FANCD2OS: variants seen among roughly 807,000 people sequenced by gnomAD.
FANCD2OS encodes FANCD2 opposite strand.
A neutral mutation model predicts 13.2 loss-of-function variants in FANCD2OS; 11 were observed. That is an observed-to-expected ratio of 0.83 (90% CI 0.52 to 1.38). FANCD2OS has a LOEUF of 1.38. Among genes scored for constraint, FANCD2OS ranks in the 40% most tolerant of loss-of-function variants. The probability of loss-of-function intolerance (pLI) is 0.00; values close to 1 mark genes in which losing one functional copy is unlikely to be tolerated. For synonymous variants in FANCD2OS, 69 were observed against 84.5 expected, an observed-to-expected ratio of 0.82 and a Z score of 1.01; for missense variants, 217 against 213.9, an observed-to-expected ratio of 1.01 and a Z score of -0.09.
At chr3:10,088,378 T>G in intron 2 of FANCD2OS, 1 of 957,338 alleles carries the variant, frequency 1.0e-6, no homozygotes, top group Non-Finnish European at 1.7e-6. Context: ...ATAATCATCC[T>G]CAAAAACCTG....
intron 2 of FANCD2OS, chr3:10,085,818 A>G (rs1349670861): frequency 6.2e-7 from 1 of 1,611,330 alleles, no homozygotes; most frequent in Non-Finnish European, 8.5e-7. Flanking sequence ...TTAGGAGTGG[A>G]TTTTCTCAAC....
chr3:10,090,302 G>T, intron 2 of FANCD2OS: 1 of 1,613,386 alleles, frequency 6.2e-7, no homozygotes, highest in South Asian at 1.1e-5. Flanking sequence ...GCATACTTTT[G>T]TTGTTTTCTT....
In FANCD2OS at chr3:10,104,646, C is replaced by T. The variant is rs1695419334; in HGVS notation, c.129G>A (p.Pro43=). The change falls in exon 2 of 2, where the codon CCG becomes CCA. Residue 43 remains proline, a synonymous_variant. Coordinates refer to ENST00000450660, the MANE Select transcript of FANCD2OS (RefSeq NM_001164839.2). Reference sequence around the variant, plus strand: ...AGCACAGCTGCACTTCAAGGTCGGACGGTGTGTGTGGGAAGCAGGGGGAGG... The same window carrying T: ...AGCACAGCTGCACTTCAAGGTCGGATGGTGTGTGTGGGAAGCAGGGGGAGG... The part of the protein sequence containing the change: ...FKASPCFPHT[P]SDLEVQLCFQ... 9 of 1,613,946 alleles carry T rather than the reference C, an allele frequency of 5.6e-6. No homozygotes were observed. In the East Asian group the frequency reaches 1.3e-4, roughly 24 times the overall value.
In FANCD2OS at chr3:10,105,820, A is replaced by ATATT. The variant is rs1695483587; in HGVS notation, c.-8-1039_-8-1038insAATA. 9.7e-5 allele frequency among the ~76,000 whole-genome samples: 7 copies of ATATT among 72,478 alleles called. No homozygotes were observed. The East Asian group carries it at 1.1e-3, about 12-fold the overall frequency. 47.5% of individuals were successfully genotyped at this position (72,478 alleles called of 152,430 possible). A position where few individuals can be genotyped will look rare whatever the true frequency, so the allele number is the denominator to read the frequency against. ...TATATATATATATATATATATATAT[A>ATATT]TTTTGAGGTTCGCGATGTATGAACC... is the stretch of plus-strand genomic sequence containing the variant. On this transcript the variant is annotated intron_variant, in intron 1 of 1. Coordinates refer to ENST00000450660, the MANE Select transcript of FANCD2OS (RefSeq NM_001164839.2).
chr3:10,105,294 A>G (rs371921848), intron 1 of FANCD2OS, among the ~76,000 whole-genome samples: 2 of 152,222 alleles, frequency 1.3e-5, no homozygotes, highest in South Asian at 2.1e-4. Flanking sequence ...AGATGAGGCA[A>G]TGGATTTGTC....
At chr3:10,090,250 G>A in intron 2 of FANCD2OS, 1 of 1,426,312 alleles carries the variant, frequency 7.0e-7, no homozygotes. Flanking sequence ...GTTCTAAGCA[G>A]TGCATCATGG....
rs1411129676 is a variant in FANCD2OS, at chr3:10,088,432, GTCT to G, written c.*44-6904_*44-6902del. The G allele has an allele frequency of 1.3e-6, 2 of 1,531,110 alleles. No individual in the cohort carries two copies. Among genetic ancestry groups the G allele is most frequent in the East Asian group, 4.5e-5 (2 of 44,504 alleles). The allele number at this position is 1,531,110 out of a possible 1,614,324, so 94.8% of individuals were successfully genotyped here. A position where few individuals can be genotyped will look rare whatever the true frequency, so the allele number is the denominator to read the frequency against. On this transcript the variant is annotated intron_variant, in intron 2 of 2. Coordinates refer to the FANCD2OS transcript ENST00000524279. ...AAGTTCCCATATGTAAGATTCCTTT[GTCT>G]TCTTTTCTAACAGCTTCCCTTGCCA...
chr3:10,105,804 ATATATATATATATATATT>A (rs1301650225), intron 1 of FANCD2OS, among the ~76,000 whole-genome samples: 1,376 of 77,862 alleles, frequency 0.018, 67 homozygotes, highest in Non-Finnish European at 0.025. Context: ...ATATATATAT[ATATATATATATATATATT>A]TTGAGGTTCG....
At chr3:10,098,279 G>GT (rs1695096934), downstream of FANCD2OS, among the ~76,000 whole-genome samples, 1 of 152,158 alleles carries the variant, frequency 6.6e-6, no homozygotes, top group Non-Finnish European at 1.5e-5. Flanking sequence ...TGGAGCCGGA[G>GT]TTTGAGTCCA....
At chr3:10,089,995 G>T (rs1045429074) in intron 2 of FANCD2OS, among the ~76,000 whole-genome samples, 3 of 152,110 alleles carry the variant, frequency 2.0e-5, no homozygotes, top group Non-Finnish European at 4.4e-5. Flanking sequence ...AAGCTTACAC[G>T]TGCAATAAAA....
At chr3:10,101,817 C>T (rs940453640), downstream of FANCD2OS, 7 of 194,198 alleles carry the variant, frequency 3.6e-5, no homozygotes, top group Non-Finnish European at 6.4e-5. Flanking sequence ...TGCTACACTG[C>T]AGAGTAAAAT....
At chr3:10,088,641 T>C (rs1694385700) in intron 2 of FANCD2OS, 3 of 1,101,782 alleles carry the variant, frequency 2.7e-6, no homozygotes, top group Non-Finnish European at 4.1e-6. Context: ...TAGTGGGAAT[T>C]TGAAAACAAT....
chr3:10,101,468 C>G (rs757215059), downstream of FANCD2OS: 2 of 526,292 alleles, frequency 3.8e-6, no homozygotes, highest in Non-Finnish European at 6.8e-6. Context: ...TCACTGCAAC[C>G]TCCATCTCCT....
At chr3:10,082,326 G>A (rs1693892603) in intron 2 of FANCD2OS, among the ~76,000 whole-genome samples, 1 of 152,102 alleles carries the variant, frequency 6.6e-6, no homozygotes, top group Admixed American at 6.6e-5. Flanking sequence ...TTTCTCCACT[G>A]CTTCCAGACT....
intron 2 of FANCD2OS, chr3:10,085,849 T>A (rs1274934462): frequency 6.2e-7 from 1 of 1,613,814 alleles, no homozygotes; most frequent in East Asian, 2.2e-5. Flanking sequence ...GAATTTACTG[T>A]ATTCAGCCCT....
intron 2 of FANCD2OS, among the ~76,000 whole-genome samples, chr3:10,094,610 AT>A (rs757018488): frequency 6.6e-6 from 1 of 151,642 alleles, no homozygotes; most frequent in Non-Finnish European, 1.5e-5. Context: ...TTTTAGCTTG[AT>A]TTTATTGTGC....
chr3:10,104,781 T>C lies in FANCD2OS; in HGVS notation c.-7A>G. On this transcript the variant is annotated splice_region_variant and 5_prime_UTR_variant, in exon 2 of 2. Transcript: ENST00000450660. ...AGAGCTGGTATCCTGCCATTGACAG[T>C]CCTAAAGGAGGGAAATCAGAGCATG... is the stretch of plus-strand genomic sequence containing the variant. 1.9e-6 allele frequency: 3 copies of C among 1,547,836 alleles called. No homozygotes were observed. Among genetic ancestry groups the C allele is most frequent in the Non-Finnish European group, 2.6e-6 (3 of 1,146,676 alleles).
At chr3:10,094,706 T>A (rs13433680) in intron 2 of FANCD2OS, among the ~76,000 whole-genome samples, 37,237 of 147,746 alleles carry the variant, frequency 0.25, 6,132 homozygotes, top group African/African-American at 0.48. Flanking sequence ...GAAATGATTT[T>A]AAAAAAAAAA....
chr3:10,095,493 C>G (rs775166162), intron 2 of FANCD2OS: 5 of 594,382 alleles, frequency 8.4e-6, no homozygotes, highest in Admixed American at 2.9e-5. Context: ...CTCCAAAGCT[C>G]TTTTTCCTCT....
Sources: gnomAD v4.1 joint callset for allele counts (sites outside exome capture counted in the v4.1 genomes callset) on GRCh38, gnomAD v4.1.1 for gene constraint, MANE v1.5 for transcripts, NCBI Gene and HGNC (gene_info 2026-07-23, HGNC 2026-07-21) for gene names.